Variants in STX12 observed in about 807,000 individuals in gnomAD.
The protein encoded by STX12 is syntaxin 12, also known as syntaxin-12.
Under a neutral mutation model 42.2 loss-of-function variants are expected in STX12, and 17 were observed. That is an observed-to-expected ratio of 0.40 (90% CI 0.28 to 0.60). The LOEUF is 0.60. STX12 is among the 20% of genes least tolerant of loss of function. The pLI is 0.39. For missense variants in STX12, 297 were observed against 330.9 expected, an observed-to-expected ratio of 0.90 and a Z score of 0.79; for synonymous variants, 108 against 116.7, an observed-to-expected ratio of 0.93 and a Z score of 0.48.
intron 4 of STX12, among the ~76,000 whole-genome samples, chr1:27,808,898 A>G (rs927836092): frequency 1.5e-4 from 23 of 152,296 alleles, no homozygotes; most frequent in Non-Finnish European, 2.6e-4. Flanking sequence ...ACTATTTTTC[A>G]AAAACGTTAT....
intron 1 of STX12, among the ~76,000 whole-genome samples, chr1:27,786,717 A>G (rs2088701602): frequency 6.6e-6 from 1 of 152,216 alleles, no homozygotes; most frequent in South Asian, 2.1e-4. Context: ...ATATGCAACA[A>G]TGGAATAATA....
chr1:27,787,560 G>A (rs544035245), intron 1 of STX12, among the ~76,000 whole-genome samples: 1 of 152,216 alleles, frequency 6.6e-6, no homozygotes, highest in African/African-American at 2.4e-5. Flanking sequence ...TCGGGAGGCT[G>A]AGGCAGGAGA....
chr1:27,796,421 C>T (rs866275339), intron 3 of STX12, among the ~76,000 whole-genome samples: 5 of 152,198 alleles, frequency 3.3e-5, no homozygotes, highest in Middle Eastern at 3.4e-3. Context: ...CTCAGTTATC[C>T]GGGCTGAGGC....
At chr1:27,808,691 TTAA>T (rs2088881602) in intron 4 of STX12, among the ~76,000 whole-genome samples, 1 of 152,146 alleles carries the variant, frequency 6.6e-6, no homozygotes, top group Admixed American at 6.6e-5. Flanking sequence ...GACTGATTTT[TTAA>T]TAATAATGAT....
chr1:27,803,620 C>T (rs768652432), intron 4 of STX12, among the ~76,000 whole-genome samples: 5 of 151,830 alleles, frequency 3.3e-5, no homozygotes, highest in Non-Finnish European at 5.9e-5. Flanking sequence ...AAATGAAGAA[C>T]AAAAAAAGTG....
At chr1:27,788,372 G>A (rs2088713104) in intron 1 of STX12, among the ~76,000 whole-genome samples, 1 of 152,180 alleles carries the variant, frequency 6.6e-6, no homozygotes, top group Admixed American at 6.5e-5. Context: ...GTAAGGGACA[G>A]GAGTGTTCAG....
chr1:27,788,738 G>A (rs7520372), intron 1 of STX12, among the ~76,000 whole-genome samples: 13,679 of 152,158 alleles, frequency 0.09, 2,060 homozygotes, highest in African/African-American at 0.31. Flanking sequence ...AAGGCCAGGC[G>A]TGGTGGCTCA....
chr1:27,773,519 C>T, intron 1 of STX12, 94 bp downstream of exon 1: 2 of 1,167,642 alleles, frequency 1.7e-6, no homozygotes, highest in East Asian at 4.8e-5. Flanking sequence ...GGGCTACGGC[C>T]GAGGCCACAC....
chr1:27,773,315 A>G lies in STX12; in HGVS notation c.8A>G (p.Tyr3Cys), dbSNP rs1242073460. The G allele has an allele frequency of 6.2e-7, 1 of 1,607,506 alleles. No individual in the cohort carries two copies. Among genetic ancestry groups the G allele is most frequent in the South Asian group, 1.1e-5 (1 of 90,468 alleles). ...AGGTCTCAGCTCCTCGTCATGTCAT[A>G]CGGTCCCTTAGACATGTACCGGAAC... Reference protein sequence around the residue: MSYGPLDMYRNPG... With the variant: MSCGPLDMYRNPG... The change falls in exon 1 of 9, where the codon TAC (tyrosine) becomes TGC (cysteine). Residue 3 changes from tyrosine (Y) to cysteine (C), a missense_variant. By Grantham distance (194) the Tyr-to-Cys change is radical. Transcript: ENST00000373943.
chr1:27,819,883 T>A (rs2088972896), intron 8 of STX12, 151 bp downstream of exon 8: 1 of 590,732 alleles, frequency 1.7e-6, no homozygotes, highest in Non-Finnish European at 3.0e-6. Context: ...ATTTTTATTA[T>A]TTTCCTTTGC....
intron 7 of STX12, 71 bp downstream of exon 7, chr1:27,817,994 A>G: frequency 1.5e-6 from 2 of 1,341,820 alleles, no homozygotes; most frequent in Non-Finnish European, 2.1e-6. Context: ...AATCCCAGCT[A>G]CTCAGAAGGC....
chr1:27,791,058 C>G (rs2088737252), intron 2 of STX12, among the ~76,000 whole-genome samples: 1 of 152,074 alleles, frequency 6.6e-6, no homozygotes, highest in South Asian at 2.1e-4. Context: ...GTCGGGAGTT[C>G]AAGACCAGCC....
chr1:27,775,199 T>C (rs1263984652), intron 1 of STX12, among the ~76,000 whole-genome samples: 1 of 152,214 alleles, frequency 6.6e-6, no homozygotes, highest in Non-Finnish European at 1.5e-5. Context: ...TCTATCCATC[T>C]TCGTGTGTAT....
intron 6 of STX12, among the ~76,000 whole-genome samples, chr1:27,816,300 T>C (rs12095573): frequency 0.18 from 26,382 of 148,554 alleles, 6,039 homozygotes; most frequent in African/African-American, 0.53. Flanking sequence ...GCAACAAGAG[T>C]GAAACTCTAC....
At chr1:27,774,912 A>G (rs2088619059) in intron 1 of STX12, among the ~76,000 whole-genome samples, 1 of 152,156 alleles carries the variant, frequency 6.6e-6, no homozygotes, top group Non-Finnish European at 1.5e-5. Context: ...ATCTAAATGT[A>G]TATTGTAGAA....
chr1:27,792,334 CTA>C (rs1219354728), intron 2 of STX12, among the ~76,000 whole-genome samples: 1 of 107,492 alleles, frequency 9.3e-6, no homozygotes, highest in Non-Finnish European at 1.9e-5. Context: ...ATATATGTAT[CTA>C]TATATATGTA....
chr1:27,810,545 G>C (rs2088895813), intron 5 of STX12, among the ~76,000 whole-genome samples: 1 of 152,146 alleles, frequency 6.6e-6, no homozygotes, highest in South Asian at 2.1e-4. Context: ...TAAGCAGAGA[G>C]CTTGACTCCC....
At chr1:27,813,309 G>C (rs374943537) in intron 6 of STX12, among the ~76,000 whole-genome samples, 2 of 151,866 alleles carry the variant, frequency 1.3e-5, no homozygotes, top group African/African-American at 4.8e-5. Context: ...CTGAATAGCC[G>C]AGACTACCAG....
intron 6 of STX12, among the ~76,000 whole-genome samples, chr1:27,815,159 A>G (rs1262422180): frequency 6.6e-6 from 1 of 152,192 alleles, no homozygotes; most frequent in Admixed American, 6.5e-5. Context: ...ATACTATGCC[A>G]TTTTATATCA....
Sources: gnomAD v4.1 joint callset for allele counts (sites outside exome capture counted in the v4.1 genomes callset) on GRCh38, gnomAD v4.1.1 for gene constraint, MANE v1.5 for transcripts, NCBI Gene and HGNC (gene_info 2026-07-23, HGNC 2026-07-21) for gene names.